The following PAPPA2 variants were observed in gnomAD, a reference collection of about 807,000 sequenced individuals.
PAPPA2 encodes pappalysin 2.
PAPPA2 carries 86 observed loss-of-function variants against 176.4 expected under a neutral mutation model. That is an observed-to-expected ratio of 0.49 (90% CI 0.41 to 0.58). PAPPA2 has a LOEUF of 0.58. Among genes scored for constraint, PAPPA2 ranks in the 20% least tolerant of loss-of-function variants. PAPPA2 has a pLI of 0.00. For missense variants in PAPPA2, 2,073 were observed against 2,256.9 expected (o/e 0.92, Z 1.65); for synonymous variants, 809 against 852.2 (o/e 0.95, Z 0.88).
intron 3 of PAPPA2, among the ~76,000 whole-genome samples, chr1:176,644,017 C>T (rs915359716): frequency 4.0e-5 from 6 of 151,776 alleles, no homozygotes; most frequent in African/African-American, 7.3e-5. Context: ...TTCTCAGCCA[C>T]CTCAACACTT....
rs371425079 is a variant in PAPPA2, at chr1:176,669,324, TTTCTC to T, written c.1992-1642_1992-1638del. Among the ~76,000 whole-genome samples the T allele has an allele frequency of 2.1e-3, 314 of 152,270 alleles. 3 individuals are homozygous for T. Among genetic ancestry groups the T allele is most frequent in the African/African-American group, 7.2e-3 (300 of 41,562 alleles). On this transcript the variant is annotated intron_variant, in intron 3 of 22. Coordinates refer to ENST00000367662, the MANE Select transcript of PAPPA2 (RefSeq NM_020318.3). ...TTTCTTTTCATTTCCTTCATTCTCT[TTTCTC>T]TTCCCTTCTCTCTCTTCTGGCCTAT...
intron 15 of PAPPA2, among the ~76,000 whole-genome samples, chr1:176,769,182 A>G (rs1171537935): frequency 6.6e-6 from 1 of 152,186 alleles, no homozygotes; most frequent in Non-Finnish European, 1.5e-5. Flanking sequence ...GGGGAGAATC[A>G]GCACCCTGGC....
chr1:176,601,508 A>G (rs1261332473), intron 3 of PAPPA2, among the ~76,000 whole-genome samples: 1 of 152,184 alleles, frequency 6.6e-6, no homozygotes, highest in Non-Finnish European at 1.5e-5. Flanking sequence ...AGTACTTATC[A>G]AGCTCTGGAC....
chr1:176,709,935 G>T, intron 10 of PAPPA2, 48 bp from the exon 11 acceptor site: 1 of 1,494,412 alleles, frequency 6.7e-7, no homozygotes, highest in South Asian at 1.3e-5. Flanking sequence ...TTTTTTTCAT[G>T]ACATTTATGA....
chr1:176,808,454 A>T (rs1557884801), intron 21 of PAPPA2, among the ~76,000 whole-genome samples: 1 of 152,254 alleles, frequency 6.6e-6, no homozygotes, highest in Admixed American at 6.5e-5. Context: ...CACTTGGAAT[A>T]GAATAAAGTT....
chr1:176,666,608 T>A (rs12119909), intron 3 of PAPPA2, among the ~76,000 whole-genome samples: 56,136 of 99,898 alleles, frequency 0.56, 14,528 homozygotes, highest in African/African-American at 0.73. Flanking sequence ...TGTGTGTGTG[T>A]GAGAGAGAGA....
intron 4 of PAPPA2, among the ~76,000 whole-genome samples, chr1:176,684,077 C>T (rs901225395): frequency 9.9e-5 from 15 of 152,152 alleles, no homozygotes; most frequent in African/African-American, 2.4e-4. Flanking sequence ...TGGATGGAAT[C>T]GTCTCAGGAC....
intron 1 of PAPPA2, among the ~76,000 whole-genome samples, chr1:176,532,491 A>G (rs1460483011): frequency 6.6e-6 from 1 of 152,098 alleles, no homozygotes. Context: ...AACACACGCA[A>G]TTTCATTCGG....
intron 14 of PAPPA2, among the ~76,000 whole-genome samples, chr1:176,753,554 CTTTTTTTTTTTT>C (rs77817405): frequency 3.7e-4 from 27 of 73,498 alleles, no homozygotes; most frequent in Admixed American, 2.7e-3. Context: ...AAGGCTCCTC[CTTTTTTTTTTTT>C]TTTTTTTTTT....
At chr1:176,618,660 T>C (rs1224831801) in intron 3 of PAPPA2, among the ~76,000 whole-genome samples, 7 of 152,212 alleles carry the variant, frequency 4.6e-5, no homozygotes, top group Non-Finnish European at 8.8e-5. Flanking sequence ...GTTTACCAGA[T>C]AAATGAGGTA....
chr1:176,533,366 G>C (rs1347942636), intron 1 of PAPPA2, among the ~76,000 whole-genome samples: 1 of 152,202 alleles, frequency 6.6e-6, no homozygotes, highest in Non-Finnish European at 1.5e-5. Flanking sequence ...CTTGGCAAAG[G>C]ACTAGGTCAC....
intron 12 of PAPPA2, among the ~76,000 whole-genome samples, chr1:176,717,901 G>A (rs939598762): frequency 1.3e-5 from 2 of 152,188 alleles, no homozygotes; most frequent in East Asian, 1.9e-4. Flanking sequence ...TTAGAGTTTG[G>A]CCCTAACTTT....
At chr1:176,578,815 C>T (rs992349869) in intron 2 of PAPPA2, among the ~76,000 whole-genome samples, 3 of 152,190 alleles carry the variant, frequency 2.0e-5, no homozygotes, top group South Asian at 2.1e-4. Flanking sequence ...TTTATGTAAA[C>T]ACTCTGAAAT....
intron 12 of PAPPA2, among the ~76,000 whole-genome samples, chr1:176,735,161 A>G (rs1206566887): frequency 6.6e-6 from 1 of 152,094 alleles, no homozygotes; most frequent in East Asian, 1.9e-4. Context: ...AAAAATATCA[A>G]AAAGGAATAA....
chr1:176,623,758 C>CCTTCCTTTCTTTCTTTCTAT (rs1198828841), intron 3 of PAPPA2, among the ~76,000 whole-genome samples: 1 of 59,042 alleles, frequency 1.7e-5, no homozygotes, highest in South Asian at 8.8e-4. Context: ...TTCCTTCCTT[C>CCTTCCTTTCTTTCTTTCTAT]CTTTCTTTCT....
chr1:176,802,502 G>C lies in PAPPA2; in HGVS notation c.5202+2370G>C, dbSNP rs148664024. Among the ~76,000 whole-genome samples the C allele has an allele frequency of 4.5e-3, 685 of 152,250 alleles. 4 individuals are homozygous for C. The highest frequency in any genetic ancestry group is 6.2e-3 in the Non-Finnish European group (423 of 68,012). ...AACAGAAGAGTGTCAGGGACAGATG[G>C]AGGGAAAACAGACTGGAGGCAAGAT... On this transcript the variant is annotated intron_variant, in intron 21 of 22. Coordinates refer to ENST00000367662, the MANE Select transcript of PAPPA2 (RefSeq NM_020318.3).
In PAPPA2 at chr1:176,692,250, C is replaced by A. The variant is rs1427818966; in HGVS notation, c.2556C>A (p.Val852=). Residue 852 remains valine, a synonymous_variant, in exon 6 of 23, where the codon GTC becomes GTA. Transcript: ENST00000367662. ...CCCCCATCCCCATTCCACCTATGGT[C>A]ATCGGACAGACCAACAAGTCCCTCA... ...KPTPIPIPPM[V]IGQTNKSLTI... is the part of the protein sequence containing the mutation. 1.1e-5 allele frequency: 18 copies of A among 1,613,942 alleles called. No homozygotes were observed. Among genetic ancestry groups the A allele is most frequent in the Non-Finnish European group, 1.5e-5 (18 of 1,179,912 alleles).
intron 4 of PAPPA2, among the ~76,000 whole-genome samples, chr1:176,677,033 C>T (rs1163757517): frequency 6.6e-6 from 1 of 152,098 alleles, no homozygotes; most frequent in Admixed American, 6.6e-5. Context: ...ATGTGCTTTT[C>T]AGAAGTAAAA....
At chr1:176,539,256 A>G (rs929931839) in intron 1 of PAPPA2, among the ~76,000 whole-genome samples, 7 of 152,102 alleles carry the variant, frequency 4.6e-5, no homozygotes, top group Admixed American at 4.6e-4. Context: ...AACGTAGGGT[A>G]TGAGCTGGGG....
Sources: gnomAD v4.1 joint callset for allele counts (sites outside exome capture counted in the v4.1 genomes callset) on GRCh38, gnomAD v4.1.1 for gene constraint, MANE v1.5 for transcripts, NCBI Gene and HGNC (gene_info 2026-07-23, HGNC 2026-07-21) for gene names.